SCHIP1: variants seen among roughly 807,000 people sequenced by gnomAD.
SCHIP1 encodes schwannomin-interacting protein 1.
A neutral mutation model predicts 29.7 loss-of-function variants in SCHIP1; 8 were observed. The ratio of observed to expected loss-of-function variants is 0.27; its 90% CI spans 0.16 to 0.49. The LOEUF is 0.49. SCHIP1 is among the 20% of genes least tolerant of loss of function. SCHIP1 has a pLI of 0.99. For synonymous variants in SCHIP1, 76 were observed against 94.9 expected, an observed-to-expected ratio of 0.80 and a Z score of 1.16; for missense variants, 193 against 294.6, an observed-to-expected ratio of 0.66 and a Z score of 2.52.
At chr3:159,634,355 T>C in the SCHIP1 span, among the ~76,000 whole-genome samples, 822 of 152,282 alleles carry the variant, frequency 5.4e-3, 22 homozygotes, top group Admixed American at 0.051. Flanking sequence ...ACTATGTAAG[T>C]GTATTACTTT....
chr3:159,583,069 T>C, the SCHIP1 span, among the ~76,000 whole-genome samples: 1 of 152,164 alleles, frequency 6.6e-6, no homozygotes, highest in Non-Finnish European at 1.5e-5. Flanking sequence ...GAAAAAATGA[T>C]GTAAATTTCA....
At chr3:159,665,319 C>T in the SCHIP1 span, among the ~76,000 whole-genome samples, 5 of 152,216 alleles carry the variant, frequency 3.3e-5, 1 homozygote, top group African/African-American at 1.2e-4. Context: ...ACCTTCATTT[C>T]GTTTCTAGTA....
At chr3:159,292,964 A>C in the SCHIP1 span, among the ~76,000 whole-genome samples, 3 of 152,078 alleles carry the variant, frequency 2.0e-5, no homozygotes, top group African/African-American at 7.2e-5. Context: ...TTTTTTCTGG[A>C]GTTGATTGTC....
At chr3:159,549,971 A>G in the SCHIP1 span, among the ~76,000 whole-genome samples, 2 of 149,748 alleles carry the variant, frequency 1.3e-5, no homozygotes, top group South Asian at 4.3e-4. Context: ...ATGTTTATCA[A>G]TTTTATTTGT....
chr3:159,315,300 G>A, the SCHIP1 span, among the ~76,000 whole-genome samples: 24 of 148,986 alleles, frequency 1.6e-4, no homozygotes, highest in African/African-American at 5.2e-4. Flanking sequence ...CCGGGTTCAC[G>A]CCATTCTCCT....
the SCHIP1 span, among the ~76,000 whole-genome samples, chr3:159,511,936 G>A: frequency 5.3e-5 from 8 of 152,152 alleles, no homozygotes; most frequent in African/African-American, 1.9e-4. Context: ...ATTAGGGCTA[G>A]AGAGGAATTT....
At chr3:159,535,905 G>A in the SCHIP1 span, among the ~76,000 whole-genome samples, 2 of 152,124 alleles carry the variant, frequency 1.3e-5, no homozygotes, top group Admixed American at 6.5e-5. Flanking sequence ...ACAGATGACA[G>A]GCTGCATGTG....
chr3:159,430,634 A>AT, the SCHIP1 span, among the ~76,000 whole-genome samples: 251 of 152,170 alleles, frequency 1.6e-3, no homozygotes, highest in African/African-American at 5.6e-3. Context: ...TTAATATTTG[A>AT]TTTTTTTCTA....
the SCHIP1 span, among the ~76,000 whole-genome samples, chr3:159,747,581 G>A: frequency 3.3e-5 from 5 of 152,104 alleles, no homozygotes; most frequent in East Asian, 1.9e-4. Flanking sequence ...CAGGGACGAC[G>A]TGCCCAAGTA....
At chr3:159,275,150 C>T in the SCHIP1 span, 1 of 821,078 alleles carries the variant, frequency 1.2e-6, no homozygotes, top group Non-Finnish European at 1.5e-6. Flanking sequence ...CTCAATAGAT[C>T]CACTGATAAT....
chr3:159,326,042 T>C, the SCHIP1 span, among the ~76,000 whole-genome samples: 3 of 152,148 alleles, frequency 2.0e-5, no homozygotes, highest in Non-Finnish European at 2.9e-5. Context: ...TTACTCATCA[T>C]AGTAACCTTA....
chr3:159,441,426 A>G, the SCHIP1 span, among the ~76,000 whole-genome samples: 1 of 152,114 alleles, frequency 6.6e-6, no homozygotes, highest in African/African-American at 2.4e-5. Context: ...TAGGTGAGAG[A>G]ACTTAGAGAG....
chr3:159,793,315 C>G, the SCHIP1 span, among the ~76,000 whole-genome samples: 3 of 152,092 alleles, frequency 2.0e-5, no homozygotes, highest in African/African-American at 7.2e-5. Context: ...GGATTGAAAA[C>G]CACTGGCGTA....
At chr3:159,593,379 C>T in the SCHIP1 span, among the ~76,000 whole-genome samples, 1 of 152,080 alleles carries the variant, frequency 6.6e-6, no homozygotes, top group African/African-American at 2.4e-5. Context: ...CTGGAGGACT[C>T]ATCTGGTTTA....
At chr3:159,439,528 T>C in the SCHIP1 span, among the ~76,000 whole-genome samples, 1 of 152,118 alleles carries the variant, frequency 6.6e-6, no homozygotes, top group Non-Finnish European at 1.5e-5. Flanking sequence ...ATGAGGATTA[T>C]GGAGATTATG....
At chr3:159,339,373 C>G in the SCHIP1 span, among the ~76,000 whole-genome samples, 5 of 152,172 alleles carry the variant, frequency 3.3e-5, no homozygotes, top group East Asian at 7.7e-4. Flanking sequence ...TTCACATCAG[C>G]AAGCACTGCT....
At chr3:159,811,523 C>G in the SCHIP1 span, among the ~76,000 whole-genome samples, 1 of 152,172 alleles carries the variant, frequency 6.6e-6, no homozygotes, top group African/African-American at 2.4e-5. Context: ...TGTCCCAGCA[C>G]CATCTGTTGA....
chr3:159,493,747 C>A, the SCHIP1 span, among the ~76,000 whole-genome samples: 18 of 151,984 alleles, frequency 1.2e-4, no homozygotes, highest in Admixed American at 1.1e-3. Context: ...CTGCACCAAG[C>A]GGACCTAATA....
chr3:159,875,929 GAACAA>G (rs894361093), intron 2 of SCHIP1, among the ~76,000 whole-genome samples: 12 of 151,992 alleles, frequency 7.9e-5, no homozygotes, highest in Admixed American at 2.6e-4. Flanking sequence ...CCTGTCTCTA[GAACAA>G]AACAAAACAA....
Sources: allele counts gnomAD v4.1 joint callset (sites outside exome capture counted in the v4.1 genomes callset), GRCh38; gene constraint gnomAD v4.1.1; transcripts MANE v1.5; gene names NCBI Gene and HGNC (gene_info 2026-07-23, HGNC 2026-07-21).